The following LIPC variants were observed in gnomAD, a reference collection of about 807,000 sequenced individuals.
LIPC encodes the protein lipase C, hepatic type, also known as hepatic triacylglycerol lipase.
A neutral mutation model predicts 50.7 loss-of-function variants in LIPC; 44 were observed. That is an observed-to-expected ratio of 0.87 (90% CI 0.68 to 1.11). The LOEUF (loss-of-function observed/expected upper bound fraction) is 1.11, where lower values mean the gene tolerates loss of function less well. Ranked by LOEUF, LIPC falls within the 50% of genes most tolerant of loss-of-function variation. The pLI is 0.00. For synonymous variants in LIPC, 271 were observed against 256.4 expected (o/e 1.06, Z -0.54); for missense variants, 697 against 648.2 (o/e 1.08, Z -0.82).
chr15:58,489,634 A>C (rs925599810), intron 1 of LIPC, among the ~76,000 whole-genome samples: 33 of 152,322 alleles, frequency 2.2e-4, no homozygotes, highest in Admixed American at 1.6e-3. Flanking sequence ...TAGGCTCTAC[A>C]ATAGTGATGT....
At chr15:58,440,893 T>C (rs1173931914) in intron 1 of LIPC, among the ~76,000 whole-genome samples, 1 of 152,122 alleles carries the variant, frequency 6.6e-6, no homozygotes, top group African/African-American at 2.4e-5. Flanking sequence ...TCTTGAGATT[T>C]TGGGGTGGCC....
intron 1 of LIPC, among the ~76,000 whole-genome samples, chr15:58,445,035 C>A (rs1231278015): frequency 6.6e-6 from 1 of 152,184 alleles, no homozygotes; most frequent in Non-Finnish European, 1.5e-5. Flanking sequence ...CTGAAAGGTG[C>A]AGGAAGCAGC....
At chr15:58,460,098 T>C (rs1894285906) in intron 1 of LIPC, among the ~76,000 whole-genome samples, 1 of 152,250 alleles carries the variant, frequency 6.6e-6, no homozygotes, top group East Asian at 1.9e-4. Context: ...TGTAGGGCTC[T>C]GCTCTGAAAG....
chr15:58,567,953 A>T (rs191060835), intron 8 of LIPC, among the ~76,000 whole-genome samples: 202 of 152,312 alleles, frequency 1.3e-3, no homozygotes, highest in African/African-American at 4.7e-3. Context: ...TTCACAAATT[A>T]CTCATAGCAT....
At chr15:58,506,960 G>A (rs1262828254) in intron 1 of LIPC, among the ~76,000 whole-genome samples, 17 of 152,172 alleles carry the variant, frequency 1.1e-4, no homozygotes, top group African/African-American at 1.9e-4. Context: ...CGCAAATGGT[G>A]GCAACAAGGA....
At chr15:58,463,665 C>T (rs116135352) in intron 1 of LIPC, among the ~76,000 whole-genome samples, 3,142 of 152,268 alleles carry the variant, frequency 0.021, 103 homozygotes, top group African/African-American at 0.072. Context: ...CAGGTATTCA[C>T]CCGCTCCACT....
chr15:58,497,361 G>A (rs1478787444), intron 1 of LIPC, among the ~76,000 whole-genome samples: 2 of 152,156 alleles, frequency 1.3e-5, no homozygotes, highest in African/African-American at 4.8e-5. Context: ...GGGAAGTGGG[G>A]GAAGTCAGGC....
At chr15:58,495,101 C>G (rs147933267) in intron 1 of LIPC, among the ~76,000 whole-genome samples, 14 of 152,308 alleles carry the variant, frequency 9.2e-5, no homozygotes, top group African/African-American at 3.4e-4. Context: ...CAGGGAATCT[C>G]TCTTTCTAAA....
chr15:58,438,637 G>C (rs951385165), intron 1 of LIPC, among the ~76,000 whole-genome samples: 3 of 152,212 alleles, frequency 2.0e-5, no homozygotes, highest in African/African-American at 2.4e-5. Flanking sequence ...GTACCTACTT[G>C]GGGCGAGAAG....
rs549021009 is a variant in LIPC, at chr15:58,565,449, G to A, written c.1388+1726G>A. 2.0e-5 allele frequency: 29 copies of A among 1,423,412 alleles called. No homozygotes were observed. In the East Asian group the frequency reaches 4.6e-4, roughly 22 times the overall value. 88.2% of individuals were successfully genotyped at this position (1,423,412 alleles called of 1,614,324 possible). On this transcript the variant is annotated intron_variant, in intron 8 of 8. Transcript: ENST00000299022. ...TGGTACGGAAGAAGAAATGAGGAGAGGGAGGGGCCTGGCCCTTCCAGGGCT... is the reference window on the plus strand; with the variant it reads ...TGGTACGGAAGAAGAAATGAGGAGAAGGAGGGGCCTGGCCCTTCCAGGGCT...
chr15:58,461,979 T>C (rs1302333877), intron 1 of LIPC, among the ~76,000 whole-genome samples: 1 of 143,372 alleles, frequency 7.0e-6, no homozygotes, highest in African/African-American at 2.6e-5. Flanking sequence ...ATGGAAGTCC[T>C]GGAATGTGTT....
intron 1 of LIPC, among the ~76,000 whole-genome samples, chr15:58,469,102 T>TTGTGTGTGTGTGTGTGTGTGTGTGTGTG (rs56309142): frequency 7.1e-6 from 1 of 140,624 alleles, no homozygotes; most frequent in African/African-American, 2.7e-5. Flanking sequence ...AGGGAACATT[T>TTGTGTGTGTGTGTGTGTGTGTGTGTGTG]TGTGTGTGTG....
At chr15:58,564,056 G>T in intron 8 of LIPC, 1 of 402,072 alleles carries the variant, frequency 2.5e-6, no homozygotes, top group Non-Finnish European at 4.7e-6. Flanking sequence ...TGTCAGTGCT[G>T]CCAGTCCAAG....
chr15:58,511,907 T>G (rs11629762), intron 1 of LIPC, among the ~76,000 whole-genome samples: 2 of 152,204 alleles, frequency 1.3e-5, no homozygotes, highest in East Asian at 3.9e-4. Context: ...GACAAAACAT[T>G]GAGTTATAAA....
intron 6 of LIPC, among the ~76,000 whole-genome samples, chr15:58,554,949 C>A (rs865906456): frequency 2.0e-5 from 3 of 152,196 alleles, no homozygotes; most frequent in Non-Finnish European, 4.4e-5. Context: ...CAGGTTCCGT[C>A]CCCAGCCCGT....
chr15:58,485,772 T>G (rs1316679097), intron 1 of LIPC, among the ~76,000 whole-genome samples: 2 of 152,238 alleles, frequency 1.3e-5, no homozygotes, highest in Non-Finnish European at 2.9e-5. Context: ...CAGCGCTGCC[T>G]TCCCAGCCAC....
At chr15:58,551,304 C>T (rs560894941) in intron 6 of LIPC, among the ~76,000 whole-genome samples, 7 of 152,272 alleles carry the variant, frequency 4.6e-5, no homozygotes, top group Non-Finnish European at 8.8e-5. Context: ...TGCACTCATG[C>T]GAGACTCGCC....
chr15:58,555,378 G>T (rs1331924320), intron 6 of LIPC, among the ~76,000 whole-genome samples: 6 of 152,190 alleles, frequency 3.9e-5, no homozygotes, highest in Non-Finnish European at 7.3e-5. Context: ...GTTTGTCTTG[G>T]TGGCTTCATT....
intron 1 of LIPC, among the ~76,000 whole-genome samples, chr15:58,498,899 G>C (rs1891872140): frequency 6.6e-6 from 1 of 152,248 alleles, no homozygotes; most frequent in South Asian, 2.1e-4. Flanking sequence ...AGAGATACAT[G>C]AGGGGGTTGT....
Sources: allele counts gnomAD v4.1 joint callset (sites outside exome capture counted in the v4.1 genomes callset), GRCh38; gene constraint gnomAD v4.1.1; transcripts MANE v1.5; gene names NCBI Gene and HGNC (gene_info 2026-07-23, HGNC 2026-07-21).